ATP6V1A: variants seen among roughly 807,000 people sequenced by gnomAD.
ATP6V1A encodes V-type proton ATPase catalytic subunit A.
Under a neutral mutation model 70.1 loss-of-function variants are expected in ATP6V1A, and 18 were observed. The ratio of observed to expected loss-of-function variants is 0.26; its 90% CI spans 0.18 to 0.38. The LOEUF is 0.38. Ranked by LOEUF, ATP6V1A falls within the 10% of genes least tolerant of loss-of-function variation. ATP6V1A has a pLI of 1.00. For synonymous variants in ATP6V1A, 232 were observed against 253.8 expected (o/e 0.91, Z 0.82); for missense variants, 424 against 772.4 (o/e 0.55, Z 5.35).
intron 1 of ATP6V1A, among the ~76,000 whole-genome samples, chr3:113,757,758 G>A (rs142204256): frequency 1.7e-3 from 261 of 152,256 alleles, no homozygotes; most frequent in Non-Finnish European, 3.3e-3. Flanking sequence ...ACAAAAAACT[G>A]GTTTGGCTAA....
intron 1 of ATP6V1A, among the ~76,000 whole-genome samples, chr3:113,775,973 G>T (rs902631935): frequency 3.3e-5 from 5 of 152,044 alleles, no homozygotes; most frequent in African/African-American, 1.2e-4. Flanking sequence ...TTTCTAGAAC[G>T]TCTTGTTCTG....
intron 6 of ATP6V1A, among the ~76,000 whole-genome samples, chr3:113,787,116 G>C (rs1709047595): frequency 6.6e-6 from 1 of 152,164 alleles, no homozygotes; most frequent in Non-Finnish European, 1.5e-5. Flanking sequence ...TGGGAACCAA[G>C]ACAGAAGCCC....
chr3:113,770,448 C>T (rs924181196), intron 1 of ATP6V1A, among the ~76,000 whole-genome samples: 11 of 152,078 alleles, frequency 7.2e-5, no homozygotes, highest in African/African-American at 2.7e-4. Context: ...GAGGCCAAGG[C>T]GGGTGGATCT....
chr3:113,765,001 A>AC (rs1708752403), intron 1 of ATP6V1A, among the ~76,000 whole-genome samples: 3 of 150,932 alleles, frequency 2.0e-5, no homozygotes, highest in Admixed American at 2.0e-4. Flanking sequence ...CTTAATTGAA[A>AC]AAAAAAAAAA....
At chr3:113,780,868 T>C in intron 2 of ATP6V1A, 182 bp from the exon 3 acceptor site, 1 of 1,310,918 alleles carries the variant, frequency 7.6e-7, no homozygotes. Flanking sequence ...TACCTCTTTA[T>C]ATTATACACT....
At chr3:113,765,234 TG>T (rs1292062146) in intron 1 of ATP6V1A, among the ~76,000 whole-genome samples, 1 of 152,212 alleles carries the variant, frequency 6.6e-6, no homozygotes. Flanking sequence ...ATCTTTTTTT[TG>T]GCTAATATAG....
Position 113,761,107 on chromosome 3 carries a change from T to A in ATP6V1A, c.-14+13994T>A, listed in dbSNP as rs545016033. On this transcript the variant is annotated intron_variant, in intron 1 of 14. Coordinates refer to ENST00000273398, the MANE Select transcript of ATP6V1A (RefSeq NM_001690.4). Reference sequence around the variant, plus strand: ...GACATATTTTCTTTTCTTTTCTTTTTTTTTTTCTTTTTTTTTGAGACAGGG... The same window carrying A: ...GACATATTTTCTTTTCTTTTCTTTTATTTTTTCTTTTTTTTTGAGACAGGG... Among the ~76,000 whole-genome samples, 10 of 151,724 alleles carry A rather than the reference T, an allele frequency of 6.6e-5. No individual in the cohort carries two copies. In the East Asian group the frequency reaches 9.7e-4, roughly 15 times the overall value.
At chr3:113,809,215 A>G in intron 14 of ATP6V1A, 120 bp from the exon 15 acceptor site, 2 of 680,834 alleles carry the variant, frequency 2.9e-6, no homozygotes, top group South Asian at 3.7e-5. Context: ...AGATCGTGCC[A>G]CTGCACTCCA....
intron 1 of ATP6V1A, among the ~76,000 whole-genome samples, chr3:113,748,890 C>T (rs1213870235): frequency 6.6e-6 from 1 of 152,018 alleles, no homozygotes; most frequent in Non-Finnish European, 1.5e-5. Context: ...CATTAATTTT[C>T]TCCATAATAA....
chr3:113,760,448 G>C (rs572758666), intron 1 of ATP6V1A, among the ~76,000 whole-genome samples: 7 of 152,362 alleles, frequency 4.6e-5, no homozygotes, highest in Admixed American at 1.3e-4. Context: ...CGAGAGGATG[G>C]CTGGGCATGG....
At chr3:113,782,553 T>C (rs1333203047) in intron 3 of ATP6V1A, among the ~76,000 whole-genome samples, 4 of 147,338 alleles carry the variant, frequency 2.7e-5, no homozygotes, top group Non-Finnish European at 6.0e-5. Flanking sequence ...TATATATATA[T>C]ATACATGTGT....
intron 11 of ATP6V1A, 35 bp from the exon 12 acceptor site, chr3:113,798,208 A>G: frequency 1.3e-6 from 2 of 1,598,650 alleles, no homozygotes; most frequent in Non-Finnish European, 8.6e-7. Context: ...TTTGAGAAAA[A>G]TTACTGTTTT....
chr3:113,810,235 T>A lies in ATP6V1A; in HGVS notation c.*808T>A, dbSNP rs1198868460. Reference sequence around the variant, plus strand: ...TTTTGTATTTTTAGTAGAAACGGGGTTTCACCATATTGGTCAGGCTGGTCT... The same window carrying A: ...TTTTGTATTTTTAGTAGAAACGGGGATTCACCATATTGGTCAGGCTGGTCT... On this transcript the variant is annotated 3_prime_UTR_variant, in exon 15 of 15. Coordinates refer to ENST00000273398, the MANE Select transcript of ATP6V1A (RefSeq NM_001690.4). The A allele has an allele frequency of 1.3e-5, 2 of 151,908 alleles. No individual in the cohort carries two copies. The highest frequency in any genetic ancestry group is 2.9e-5 in the Non-Finnish European group (2 of 68,048). The allele number at this position is 151,908 out of a possible 1,614,324, so 9.4% of individuals were successfully genotyped here. A position where few individuals can be genotyped will look rare whatever the true frequency, so the allele number is the denominator to read the frequency against.
intron 8 of ATP6V1A, among the ~76,000 whole-genome samples, chr3:113,794,503 A>G (rs977600250): frequency 1.2e-4 from 19 of 152,232 alleles, no homozygotes; most frequent in African/African-American, 4.3e-4. Context: ...ATTCTGAGCC[A>G]TGATCCAGCC....
rs546562493 is a variant in ATP6V1A at position 113,761,950 on chromosome 3, C to T, written c.-14+14837C>T. On this transcript the variant is annotated intron_variant, in intron 1 of 14. Coordinates refer to ENST00000273398, the MANE Select transcript of ATP6V1A (RefSeq NM_001690.4). Reference sequence around the variant, plus strand: ...GGCGGATCACCTGAGGTCAGGAGTTCGAGACCAGCCTGACCAACATGTAGA... The same window carrying T: ...GGCGGATCACCTGAGGTCAGGAGTTTGAGACCAGCCTGACCAACATGTAGA... Among the ~76,000 whole-genome samples, 16 of 120,026 alleles carry T rather than the reference C, an allele frequency of 1.3e-4. 2 individuals carry two copies. Among genetic ancestry groups the T allele is most frequent in the African/African-American group, 4.3e-4 (14 of 32,420 alleles). The allele number at this position is 120,026 out of a possible 152,430, so 78.7% of individuals were successfully genotyped here.
At chr3:113,778,715 C>T (rs1038506187) in intron 1 of ATP6V1A, 26 bp from the exon 2 acceptor site, 27 of 1,363,916 alleles carry the variant, frequency 2.0e-5, no homozygotes, top group Admixed American at 4.7e-5. Context: ...ATAATTATAA[C>T]TTATTTATTT....
intron 7 of ATP6V1A, 38 bp downstream of exon 7, chr3:113,788,913 A>G (rs1198435460): frequency 1.5e-5 from 24 of 1,565,638 alleles, no homozygotes; most frequent in Non-Finnish European, 1.9e-5. Flanking sequence ...TAGAGAAAAT[A>G]CCACTCATCA....
intron 1 of ATP6V1A, among the ~76,000 whole-genome samples, chr3:113,757,972 C>T (rs1227277105): frequency 1.3e-5 from 2 of 152,096 alleles, no homozygotes; most frequent in African/African-American, 4.8e-5. Context: ...GGTGAAACCC[C>T]ATCTCTACTG....
intron 11 of ATP6V1A, 36 bp from the exon 12 acceptor site, chr3:113,798,207 A>G (rs1255379410): frequency 6.3e-7 from 1 of 1,598,820 alleles, no homozygotes; most frequent in African/African-American, 1.3e-5. Flanking sequence ...TTTTGAGAAA[A>G]ATTACTGTTT....
Sources: gnomAD v4.1 joint callset for allele counts (sites outside exome capture counted in the v4.1 genomes callset) on GRCh38, gnomAD v4.1.1 for gene constraint, MANE v1.5 for transcripts, NCBI Gene and HGNC (gene_info 2026-07-23, HGNC 2026-07-21) for gene names.